ACOT7: variants seen among roughly 807,000 people sequenced by gnomAD.
ACOT7 encodes the protein cytosolic acyl coenzyme A thioester hydrolase.
Under a neutral mutation model 40.2 loss-of-function variants are expected in ACOT7, and 12 were observed. That is an observed-to-expected ratio of 0.30 (90% CI 0.19 to 0.48). ACOT7 has a LOEUF of 0.48. Ranked by LOEUF, ACOT7 falls within the 20% of genes least tolerant of loss-of-function variation. ACOT7 has a pLI of 0.99. For missense variants in ACOT7, 395 were observed against 530.8 expected, an observed-to-expected ratio of 0.74 and a Z score of 2.51; for synonymous variants, 228 against 219.5, an observed-to-expected ratio of 1.04 and a Z score of -0.34.
chr1:6,300,082 T>C (rs1032253118), intron 6 of ACOT7, among the ~76,000 whole-genome samples: 1 of 152,104 alleles, frequency 6.6e-6, no homozygotes, highest in Non-Finnish European at 1.5e-5. Context: ...GGGAGACACA[T>C]TGTTAACTGG....
At chr1:6,378,674 C>T (rs971203819) in intron 1 of ACOT7, among the ~76,000 whole-genome samples, 7 of 151,818 alleles carry the variant, frequency 4.6e-5, no homozygotes, top group Non-Finnish European at 8.8e-5. Context: ...TGGGGACCTA[C>T]CCCCAGGGAG....
intron 1 of ACOT7, among the ~76,000 whole-genome samples, chr1:6,365,747 A>G (rs12739374): frequency 1.4e-5 from 2 of 139,196 alleles, no homozygotes; most frequent in East Asian, 4.4e-4. Context: ...CAGCCTGGGC[A>G]ACAGAGCAAG....
At chr1:6,276,647 G>C (rs138305543) in intron 8 of ACOT7, among the ~76,000 whole-genome samples, 1 of 152,072 alleles carries the variant, frequency 6.6e-6, no homozygotes, top group Non-Finnish European at 1.5e-5. Flanking sequence ...CTGGAGGGAC[G>C]GAACGCACAT....
At chr1:6,333,696 C>T (rs905094376) in intron 3 of ACOT7, 128 bp from the exon 4 acceptor site, 1 of 868,152 alleles carries the variant, frequency 1.2e-6, no homozygotes, top group African/African-American at 1.7e-5. Flanking sequence ...GTGTGCACCA[C>T]CTCTCTGGCC....
rs764185496 is a variant in ACOT7 at position 6,380,382 on chromosome 1, G to A, written c.143+12875C>T. Among the ~76,000 whole-genome samples, 42 of 151,452 alleles carry A rather than the reference G, an allele frequency of 2.8e-4. 2 individuals are homozygous for A. The highest frequency in any genetic ancestry group is 5.5e-4 in the Non-Finnish European group (37 of 67,746). On this transcript the variant is annotated intron_variant, in intron 1 of 8. Transcript: ENST00000361521. ...TGGGAGGCTGAGGTGGGAGGATCAC[G>A]AGGTCAGGAGTTCAAGACCAGCCTG...
intron 3 of ACOT7, among the ~76,000 whole-genome samples, chr1:6,336,333 CAAAAAAAAAAAA>C (rs3029068): frequency 9.5e-5 from 5 of 52,776 alleles, no homozygotes; most frequent in Non-Finnish European, 1.5e-4. Context: ...GACTCGGTCT[CAAAAAAAAAAAA>C]AAAAAAAAAA....
intron 1 of ACOT7, among the ~76,000 whole-genome samples, chr1:6,354,835 TCCC>T (rs1641699106): frequency 1.3e-5 from 1 of 76,366 alleles, no homozygotes; most frequent in Non-Finnish European, 2.5e-5. Context: ...GGCCTCTTGT[TCCC>T]CCCATGGCCT....
intron 7 of ACOT7, among the ~76,000 whole-genome samples, chr1:6,287,266 G>A (rs1345733459): frequency 6.6e-6 from 1 of 152,250 alleles, no homozygotes; most frequent in African/African-American, 2.4e-5. Context: ...GCCAGGTGGG[G>A]TTTAGGCCAG....
intron 6 of ACOT7, among the ~76,000 whole-genome samples, chr1:6,298,158 A>G (rs1436355108): frequency 6.6e-6 from 1 of 152,070 alleles, no homozygotes; most frequent in Non-Finnish European, 1.5e-5. Flanking sequence ...TTTTTGAGAA[A>G]GAGTCTCTCT....
intron 1 of ACOT7, among the ~76,000 whole-genome samples, chr1:6,364,288 T>A (rs57719729): frequency 0.011 from 1,701 of 152,272 alleles, 43 homozygotes; most frequent in African/African-American, 0.039. Flanking sequence ...ACACCTGTAA[T>A]CCCAGCACTT....
intron 2 of ACOT7, 81 bp from the exon 3 acceptor site, chr1:6,339,670 C>T (rs1442738937): frequency 5.2e-5 from 79 of 1,517,916 alleles, no homozygotes; most frequent in Middle Eastern, 1.9e-4. Flanking sequence ...CCCCTGGAAA[C>T]GGTCTTTGCC....
chr1:6,281,077 C>G (rs750024314), intron 8 of ACOT7, 25 bp downstream of exon 8: 1 of 1,606,664 alleles, frequency 6.2e-7, no homozygotes, highest in African/African-American at 1.3e-5. Context: ...AGGGAGGGGC[C>G]GCCGTTCCAA....
At position 6,393,483 on chromosome 1, in the gene ACOT7, C is replaced by G; in HGVS notation, c.-84G>C. ...GGCAATCGAACGCGGCCTCCCCGCGCCGACCCCGCCCCCGCGCCGGCCCCA... is the reference window on the plus strand; with the variant it reads ...GGCAATCGAACGCGGCCTCCCCGCGGCGACCCCGCCCCCGCGCCGGCCCCA... On this transcript the variant is annotated 5_prime_UTR_variant, in exon 1 of 9. Transcript: ENST00000361521. 1 of 1,149,464 alleles carries G rather than the reference C, an allele frequency of 8.7e-7. No homozygotes were observed. Among genetic ancestry groups the G allele is most frequent in the Non-Finnish European group, 1.1e-6 (1 of 918,352 alleles). The allele number at this position is 1,149,464 out of a possible 1,614,324, so 71.2% of individuals were successfully genotyped here. A position where few individuals can be genotyped will look rare whatever the true frequency, so the allele number is the denominator to read the frequency against.
intron 1 of ACOT7, among the ~76,000 whole-genome samples, chr1:6,384,127 T>C (rs918980597): frequency 6.6e-6 from 1 of 151,828 alleles, no homozygotes; most frequent in East Asian, 1.9e-4. Context: ...GGGACTTGCA[T>C]CTAGAATATA....
chr1:6,334,235 G>A (rs1641039323), intron 3 of ACOT7, among the ~76,000 whole-genome samples: 1 of 152,208 alleles, frequency 6.6e-6, no homozygotes, highest in African/African-American at 2.4e-5. Flanking sequence ...TGCTGACATC[G>A]AACGTCAAAA....
intron 6 of ACOT7, among the ~76,000 whole-genome samples, chr1:6,308,701 C>T (rs1274155184): frequency 6.6e-6 from 1 of 151,878 alleles, no homozygotes; most frequent in African/African-American, 2.4e-5. Context: ...GAGGGAACAG[C>T]CACAGGCAGA....
At chr1:6,325,381 G>A (rs1265851293) in intron 5 of ACOT7, among the ~76,000 whole-genome samples, 2 of 149,378 alleles carry the variant, frequency 1.3e-5, no homozygotes, top group Non-Finnish European at 2.9e-5. Flanking sequence ...CAGGAGGATA[G>A]AGCGAGATTC....
intron 6 of ACOT7, among the ~76,000 whole-genome samples, chr1:6,314,783 C>T (rs531896820): frequency 6.6e-6 from 1 of 152,158 alleles, no homozygotes; most frequent in Non-Finnish European, 1.5e-5. Context: ...ACCCTCCTCC[C>T]GCATGGGATG....
Position 6,349,490 on chromosome 1 carries a change from G to C in ACOT7, c.261+259C>G, listed in dbSNP as rs368077430. ...GGTTGGCGGGGGACTCGGCATGGCG[G>C]GGAGTGGTGGAGGGAGGGCCTGTCA... On this transcript the variant is annotated intron_variant, in intron 2 of 8. Transcript: ENST00000361521. 2.0e-5 allele frequency among the ~76,000 whole-genome samples: 3 copies of C among 152,384 alleles called. No homozygotes were observed. In the South Asian group the frequency reaches 6.2e-4, roughly 32 times the overall value.
Sources: gnomAD v4.1 joint callset for allele counts (sites outside exome capture counted in the v4.1 genomes callset) on GRCh38, gnomAD v4.1.1 for gene constraint, MANE v1.5 for transcripts, NCBI Gene and HGNC (gene_info 2026-07-23, HGNC 2026-07-21) for gene names.